Variants in DPYSL4 observed in about 807,000 individuals in gnomAD.
DPYSL4 encodes the protein dihydropyrimidinase like 4, also known as dihydropyrimidinase-related protein 4.
DPYSL4 carries 43 observed loss-of-function variants against 63.4 expected under a neutral mutation model. The observed-to-expected ratio is 0.68, with a 90% CI of 0.53 to 0.88. DPYSL4 has a LOEUF of 0.88. DPYSL4 is among the 40% of genes least tolerant of loss of function. The probability of loss-of-function intolerance (pLI) is 0.00; values close to 1 mark genes in which losing one functional copy is unlikely to be tolerated. For synonymous variants in DPYSL4, 353 were observed against 331.7 expected, an observed-to-expected ratio of 1.06 and a Z score of -0.70; for missense variants, 733 against 819.5, an observed-to-expected ratio of 0.89 and a Z score of 1.29.
rs746242529 is a variant in DPYSL4, at chr10:132,203,786, C to T, written c.1486C>T (p.Arg496Cys). The T allele has an allele frequency of 4.3e-6, 7 of 1,611,574 alleles. No individual in the cohort carries two copies. The highest frequency in any genetic ancestry group is 1.7e-5 in the Admixed American group (1 of 59,970). Residue 496 changes from arginine to cysteine, a missense_variant, in exon 13 of 14, where the codon CGT becomes TGT. Transcript: ENST00000338492. ...NRLAEIHGVP[R>C]GLYDGPVHEV... is the part of the protein sequence containing the mutation. ...GCTGGCGGAGATCCACGGTGTGCCC[C>T]GTGGACTGTATGACGGGCCCGTCCA...
chr10:132,201,252 G>C (rs1441957399), intron 10 of DPYSL4, among the ~76,000 whole-genome samples: 2 of 152,130 alleles, frequency 1.3e-5, no homozygotes, highest in Non-Finnish European at 2.9e-5. Flanking sequence ...TGTTTGCCCA[G>C]GGGTCAGCAT....
intron 13 of DPYSL4, 128 bp downstream of exon 13, chr10:132,204,055 A>C (rs2062060586): frequency 1.6e-6 from 2 of 1,244,002 alleles, no homozygotes; most frequent in Admixed American, 2.5e-5. Flanking sequence ...GGACTGGGGC[A>C]GGAGATGCTG....
chr10:132,198,804 A>G (rs773950247), intron 7 of DPYSL4, 47 bp from the exon 8 acceptor site: 4 of 1,605,894 alleles, frequency 2.5e-6, no homozygotes, highest in African/African-American at 1.3e-5. Flanking sequence ...ACTGGTCTGG[A>G]GCCCCAGGGC....
intron 10 of DPYSL4, among the ~76,000 whole-genome samples, chr10:132,201,227 G>A (rs577703760): frequency 6.6e-6 from 1 of 152,220 alleles, no homozygotes; most frequent in South Asian, 2.1e-4. Context: ...AGACTCTAGT[G>A]TTGCCCGGAC....
chr10:132,193,125 G>A (rs1379526359), intron 3 of DPYSL4, among the ~76,000 whole-genome samples: 1 of 152,134 alleles, frequency 6.6e-6, no homozygotes, highest in African/African-American at 2.4e-5. Flanking sequence ...TAGCCAGCTC[G>A]GAGTTGGGGG....
chr10:132,204,858 C>A lies in DPYSL4; in HGVS notation c.1647C>A (p.His549Gln). Residue 549 changes from histidine to glutamine, a missense_variant, in exon 14 of 14, where the codon CAC (histidine) becomes CAA (glutamine). By Grantham distance (24) the His-to-Gln change is conservative. Transcript: ENST00000338492. The part of the protein sequence containing the change: ...FSLSGSQADD[H>Q]IARRTAQKIM... ...CTTCAGGGTCTCAGGCTGATGACCACATCGCCCGACGCACAGCACAGAAGA... is the reference window on the plus strand; with the variant it reads ...CTTCAGGGTCTCAGGCTGATGACCAAATCGCCCGACGCACAGCACAGAAGA... The A allele has an allele frequency of 6.2e-7, 1 of 1,612,224 alleles. No homozygotes were observed. Among genetic ancestry groups the A allele is most frequent in the South Asian group, 1.1e-5 (1 of 90,890 alleles).
intron 12 of DPYSL4, 41 bp from the exon 13 acceptor site, chr10:132,203,721 C>G: frequency 6.4e-7 from 1 of 1,558,078 alleles, no homozygotes; most frequent in Non-Finnish European, 8.7e-7. Flanking sequence ...TGCCCAGGCT[C>G]AGCCCCTCAT....
rs2061858115 is a variant in DPYSL4, at chr10:132,190,415, A to G, written c.40-332A>G. The stretch of plus-strand genomic sequence containing the variant: ...GGCCATGAGGCAGCGTTCGCCTCCC[A>G]CCTCAGGCTGGGGCTCCTCAATCCA... On this transcript the variant is annotated intron_variant, in intron 1 of 13. Coordinates refer to ENST00000338492, the MANE Select transcript of DPYSL4 (RefSeq NM_006426.3). Among the ~76,000 whole-genome samples, 2 of 152,194 alleles carry G rather than the reference A, an allele frequency of 1.3e-5. 1 individual carries two copies. The highest frequency in any genetic ancestry group is 4.8e-5 in the African/African-American group (2 of 41,448).
rs146737487 is a variant in DPYSL4, at chr10:132,195,758, C to T, written c.478+749C>T. On this transcript the variant is annotated intron_variant, in intron 4 of 13. Transcript: ENST00000338492. ...TCCCTGCCCGGGGGCTGGTGGAGCC[C>T]GTCAATCCTCAGTCCCTGGGCCTCA... is the stretch of plus-strand genomic sequence containing the variant. Among the ~76,000 whole-genome samples the T allele has an allele frequency of 1.6e-3, 240 of 152,348 alleles. 2 individuals are homozygous for T. Among genetic ancestry groups the T allele is most frequent in the South Asian group, 9.7e-3 (47 of 4,830 alleles).
At chr10:132,194,781 G>A in intron 3 of DPYSL4, 64 bp from the exon 4 acceptor site, 2 of 1,574,518 alleles carry the variant, frequency 1.3e-6, no homozygotes, top group South Asian at 1.2e-5. Context: ...AATCTCCCAT[G>A]GAGGAGGCAG....
intron 12 of DPYSL4, among the ~76,000 whole-genome samples, chr10:132,203,108 T>TA (rs1316863190): frequency 1.3e-5 from 2 of 152,172 alleles, no homozygotes; most frequent in Admixed American, 1.3e-4. Flanking sequence ...CCACGGTTGT[T>TA]AGAGAAAATA....
In DPYSL4 at chr10:132,197,538, C is replaced by T. The variant is rs1311919011; in HGVS notation, c.621+437C>T. On this transcript the variant is annotated intron_variant, in intron 6 of 13. Coordinates refer to ENST00000338492, the MANE Select transcript of DPYSL4 (RefSeq NM_006426.3). ...CTGAGCCCGCGTGCAGTGGCGCCGACCCCCCAGGCCCTTGGGGCTGAGGCA... is the reference window on the plus strand; with the variant it reads ...CTGAGCCCGCGTGCAGTGGCGCCGATCCCCCAGGCCCTTGGGGCTGAGGCA... Among the ~76,000 whole-genome samples, 12 of 152,304 alleles carry T rather than the reference C, an allele frequency of 7.9e-5. No individual in the cohort carries two copies. In the East Asian group the frequency reaches 2.3e-3, roughly 29 times the overall value.
Position 132,198,852 on chromosome 10 carries a change from T to TGG in DPYSL4, c.693_694dup (p.Glu232GlyfsTer25). 6.2e-7 allele frequency: 1 copy of TGG among 1,612,762 alleles called. No homozygotes were observed. The highest frequency in any genetic ancestry group is 8.5e-7 in the Non-Finnish European group (1 of 1,179,838). Reference sequence around the variant, plus strand: ...TCATCCCTCTCATCTCGTCCCCAGGTGGAGGCTGAGGCGGTGTACCGAGCT... The same window carrying TGG: ...TCATCCCTCTCATCTCGTCCCCAGGTGGGGAGGCTGAGGCGGTGTACCGAGCT... On this transcript the variant is annotated frameshift_variant and splice_region_variant, in exon 8 of 14. Transcript: ENST00000338492. LOFTEE classifies it high-confidence loss of function.
chr10:132,198,480 G>A lies in DPYSL4; in HGVS notation c.687G>A (p.Glu229=), dbSNP rs1306046106. Residue 229 remains glutamate (E), a synonymous_variant, in exon 7 of 14, where the codon GAG becomes GAA. Coordinates refer to ENST00000338492, the MANE Select transcript of DPYSL4 (RefSeq NM_006426.3). ...AGGGCCACGTGCTCAGCCACCCCGA[G>A]GAGGTAAGATCCCAGGGCACCACAG... ...GPEGHVLSHP[E]EVEAEAVYRA... is the part of the protein sequence containing the mutation. 5 of 1,601,342 alleles carry A rather than the reference G, an allele frequency of 3.1e-6. No individual in the cohort carries two copies. The East Asian group carries it at 1.1e-4, about 36-fold the overall frequency.
At chr10:132,187,849 CG>C (rs1162493045) in intron 1 of DPYSL4, among the ~76,000 whole-genome samples, 1 of 152,190 alleles carries the variant, frequency 6.6e-6, no homozygotes, top group Non-Finnish European at 1.5e-5. Context: ...CCTCCCCGCT[CG>C]GGCGGGGGGA....
intron 1 of DPYSL4, among the ~76,000 whole-genome samples, chr10:132,187,349 C>CGGCCCTGCCG (rs560533363): frequency 4.6e-4 from 28 of 61,172 alleles, no homozygotes; most frequent in East Asian, 2.8e-3. Flanking sequence ...CGGCCCTGCC[C>CGGCCCTGCCG]GGCCCTGCCG....
chr10:132,193,453 A>G (rs569426209), intron 3 of DPYSL4, among the ~76,000 whole-genome samples: 1 of 152,296 alleles, frequency 6.6e-6, no homozygotes, highest in African/African-American at 2.4e-5. Context: ...GGGCTCAGCT[A>G]AGCCTAGTTT....
At chr10:132,187,242 T>A (rs2061808384) in intron 1 of DPYSL4, 140 bp downstream of exon 1, 1 of 541,066 alleles carries the variant, frequency 1.8e-6, no homozygotes, top group Non-Finnish European at 3.1e-6. Flanking sequence ...GCGCCCGCCC[T>A]TCCCTGCTCG....
chr10:132,191,018 T>G (rs1362566414), intron 2 of DPYSL4, among the ~76,000 whole-genome samples, 183 bp downstream of exon 2: 547 of 87,226 alleles, frequency 6.3e-3, no homozygotes, highest in African/African-American at 0.017. Flanking sequence ...ATCCAGGCAG[T>G]TGAAAGTATG....
Sources: allele counts gnomAD v4.1 joint callset (sites outside exome capture counted in the v4.1 genomes callset), GRCh38; gene constraint gnomAD v4.1.1; transcripts MANE v1.5; gene names NCBI Gene and HGNC (gene_info 2026-07-23, HGNC 2026-07-21).